Variants in SEMA3D observed in about 807,000 individuals in gnomAD.
SEMA3D encodes semaphorin-3D.
Under a neutral mutation model 100.1 loss-of-function variants are expected in SEMA3D, and 84 were observed. The ratio of observed to expected loss-of-function variants is 0.84; its 90% confidence interval spans 0.70 to 1.01. The LOEUF is 1.01. Ranked by LOEUF, SEMA3D falls within the 50% of genes least tolerant of loss-of-function variation. The pLI is 0.00. For missense variants in SEMA3D, 875 were observed against 934.1 expected (o/e 0.94, Z 0.82); for synonymous variants, 312 against 320.7 (o/e 0.97, Z 0.29).
At chr7:85,002,915 T>C (rs1789693221) in intron 18 of SEMA3D, among the ~76,000 whole-genome samples, 2 of 152,142 alleles carry the variant, frequency 1.3e-5, no homozygotes, top group African/African-American at 4.8e-5. Context: ...ATAGTAGTTC[T>C]TTTACAGATA....
intron 15 of SEMA3D, among the ~76,000 whole-genome samples, chr7:85,017,550 C>A (rs1433194146): frequency 6.6e-6 from 1 of 151,592 alleles, no homozygotes; most frequent in Non-Finnish European, 1.5e-5. Flanking sequence ...TTTAGCAACA[C>A]CTTGATGTTG....
the SEMA3D span, among the ~76,000 whole-genome samples, chr7:85,198,101 C>T: frequency 1.3e-5 from 2 of 152,054 alleles, no homozygotes; most frequent in Non-Finnish European, 2.9e-5. Flanking sequence ...AAAATAACCC[C>T]ACAAGATTAG....
At chr7:85,065,966 A>C (rs536777858) in intron 7 of SEMA3D, among the ~76,000 whole-genome samples, 4 of 152,302 alleles carry the variant, frequency 2.6e-5, no homozygotes, top group African/African-American at 9.6e-5. Context: ...ATTAGTATTT[A>C]CTTAACTGAC....
chr7:85,017,099 T>C (rs1035270434), intron 15 of SEMA3D, among the ~76,000 whole-genome samples: 1 of 151,738 alleles, frequency 6.6e-6, no homozygotes, highest in Admixed American at 6.6e-5. Context: ...CAATAAGCTA[T>C]AGTCTCTCAC....
At position 85,055,785 on chromosome 7, in the gene SEMA3D, G is replaced by T. The variant is rs770642273; in HGVS notation, c.793C>A (p.Arg265Ser). The change falls in exon 9 of 19, where the codon CGT (arginine) becomes AGT (serine). Residue 265 changes from arginine (R) to serine (S), a missense_variant. Coordinates refer to ENST00000284136, the MANE Select transcript of SEMA3D (RefSeq NM_001384900.1). Reference sequence around the variant, plus strand: ...GTACTGCCTTCTTGAGATGATTCACGAAAGAAGAAATATATTTTATCATCA... The same window carrying T: ...GTACTGCCTTCTTGAGATGATTCACTAAAGAAGAAATATATTTTATCATCA... ...PDDDKIYFFFRESSQEGSTSD... is the reference protein window; with the variant it reads ...PDDDKIYFFFSESSQEGSTSD... The T allele has an allele frequency of 7.0e-6, 11 of 1,572,028 alleles. No homozygotes were observed. In the South Asian group the frequency reaches 1.0e-4, roughly 15 times the overall value.
intron 9 of SEMA3D, among the ~76,000 whole-genome samples, chr7:85,047,067 T>C (rs943623726): frequency 6.6e-6 from 1 of 151,922 alleles, no homozygotes; most frequent in African/African-American, 2.4e-5. Context: ...ATCACATGTG[T>C]TCAATTTGGG....
chr7:85,041,896 A>G (rs937024187), intron 10 of SEMA3D: 65 of 387,716 alleles, frequency 1.7e-4, no homozygotes, highest in Non-Finnish European at 2.3e-4. Context: ...TGAACTGTGT[A>G]GTTCCAGAGC....
At chr7:85,186,332 GC>G (rs1249029375) in intron 1 of SEMA3D, among the ~76,000 whole-genome samples, 1 of 152,178 alleles carries the variant, frequency 6.6e-6, no homozygotes, top group African/African-American at 2.4e-5. Context: ...GAACCAGGAA[GC>G]CAGGGAGAGA....
chr7:85,222,149 A>G, the SEMA3D span, among the ~76,000 whole-genome samples: 1 of 152,138 alleles, frequency 6.6e-6, no homozygotes, highest in African/African-American at 2.4e-5. Flanking sequence ...ATCTCTTGCA[A>G]ACTTATTTTG....
chr7:85,046,625 A>G (rs558275405), intron 9 of SEMA3D, among the ~76,000 whole-genome samples: 1 of 152,106 alleles, frequency 6.6e-6, no homozygotes, highest in African/African-American at 2.4e-5. Context: ...TAACTCTTAC[A>G]GACATCCAGA....
At chr7:85,182,099 GTTA>G (rs1285608066) in intron 1 of SEMA3D, among the ~76,000 whole-genome samples, 2 of 151,460 alleles carry the variant, frequency 1.3e-5, no homozygotes, top group East Asian at 3.9e-4. Flanking sequence ...CTTTTTTTTA[GTTA>G]TTATTTAGGT....
At chr7:85,199,735 T>C in the SEMA3D span, among the ~76,000 whole-genome samples, 1 of 152,232 alleles carries the variant, frequency 6.6e-6, no homozygotes. Flanking sequence ...GTTGATACTG[T>C]TAATTTTGAA....
the SEMA3D span, among the ~76,000 whole-genome samples, chr7:85,241,151 A>C: frequency 6.6e-6 from 1 of 152,060 alleles, no homozygotes; most frequent in African/African-American, 2.4e-5. Flanking sequence ...GCCATAATAA[A>C]AAAATCAAAA....
intron 10 of SEMA3D, 157 bp downstream of exon 10, chr7:85,042,014 T>C: frequency 1.6e-6 from 1 of 636,510 alleles, no homozygotes; most frequent in Non-Finnish European, 2.8e-6. Flanking sequence ...CCTAGAGCAC[T>C]TCCGTGTACT....
At chr7:85,069,877 T>TTTA (rs35114675) in intron 6 of SEMA3D, among the ~76,000 whole-genome samples, 1 of 152,128 alleles carries the variant, frequency 6.6e-6, no homozygotes, top group Non-Finnish European at 1.5e-5. Context: ...CAAATATTAT[T>TTTA]TTATAGAAAT....
At chr7:85,068,643 C>T (rs1791691758) in intron 6 of SEMA3D, among the ~76,000 whole-genome samples, 1 of 152,114 alleles carries the variant, frequency 6.6e-6, no homozygotes, top group Admixed American at 6.5e-5. Flanking sequence ...ATAAAACCAA[C>T]TTCATCTTTT....
At chr7:85,011,411 G>GTA (rs1364678885) in intron 17 of SEMA3D, among the ~76,000 whole-genome samples, 1 of 151,764 alleles carries the variant, frequency 6.6e-6, no homozygotes, top group Non-Finnish European at 1.5e-5. Context: ...ATAGGGTATG[G>GTA]TAAAGTGAAG....
chr7:85,025,455 C>T (rs946652590), intron 12 of SEMA3D, among the ~76,000 whole-genome samples: 1 of 151,908 alleles, frequency 6.6e-6, no homozygotes, highest in Non-Finnish European at 1.5e-5. Context: ...GGCAAGTCTG[C>T]GTGTTTGTCT....
intron 1 of SEMA3D, among the ~76,000 whole-genome samples, chr7:85,171,654 C>G (rs1424375606): frequency 6.6e-6 from 1 of 151,806 alleles, no homozygotes; most frequent in African/African-American, 2.4e-5. Flanking sequence ...AAAAAGGACA[C>G]CCTTTATGTC....
Sources: allele counts gnomAD v4.1 joint callset (sites outside exome capture counted in the v4.1 genomes callset), GRCh38; gene constraint gnomAD v4.1.1; transcripts MANE v1.5; gene names NCBI Gene and HGNC (gene_info 2026-07-23, HGNC 2026-07-21).